Variants in SHISA9 observed in about 807,000 individuals in gnomAD.
SHISA9 encodes protein shisa-9.
Under a neutral mutation model 38.0 loss-of-function variants are expected in SHISA9, and 13 were observed. The ratio of observed to expected loss-of-function variants is 0.34; its 90% CI spans 0.22 to 0.54. The LOEUF (loss-of-function observed/expected upper bound fraction) is 0.54. Among genes scored for constraint, SHISA9 ranks in the 20% least tolerant of loss-of-function variants. SHISA9 has a pLI of 0.91. For synonymous variants in SHISA9, 275 were observed against 242.0 expected (o/e 1.14, Z -1.27); for missense variants, 538 against 575.8 (o/e 0.93, Z 0.67).
the SHISA9 span, among the ~76,000 whole-genome samples, chr16:13,283,343 A>T: frequency 6.6e-6 from 1 of 152,128 alleles, no homozygotes; most frequent in Non-Finnish European, 1.5e-5. Context: ...CCAAAGCGGT[A>T]GGTCTTACTC....
intron 2 of SHISA9, among the ~76,000 whole-genome samples, chr16:13,188,632 A>G (rs57861850): frequency 0.15 from 22,515 of 149,352 alleles, 1,949 homozygotes; most frequent in Middle Eastern, 0.24. Flanking sequence ...TGGGAGGATC[A>G]CTTGAGCCTA....
the SHISA9 span, among the ~76,000 whole-genome samples, chr16:13,382,398 C>A: frequency 6.6e-6 from 1 of 151,792 alleles, no homozygotes; most frequent in Non-Finnish European, 1.5e-5. Flanking sequence ...TGTGGTGACG[C>A]ATGCCTGTAA....
At chr16:13,504,690 G>C in the SHISA9 span, among the ~76,000 whole-genome samples, 1 of 152,158 alleles carries the variant, frequency 6.6e-6, no homozygotes, top group South Asian at 2.1e-4. Flanking sequence ...CTAGCCCTCA[G>C]AGGATTTCAA....
chr16:13,029,328 G>A (rs992382052), intron 2 of SHISA9, among the ~76,000 whole-genome samples: 2 of 151,788 alleles, frequency 1.3e-5, no homozygotes, highest in Admixed American at 1.3e-4. Context: ...GATCTTGGCT[G>A]AACACGGTGG....
intron 2 of SHISA9, among the ~76,000 whole-genome samples, chr16:12,958,669 A>G (rs888152726): frequency 2.0e-5 from 3 of 152,186 alleles, no homozygotes; most frequent in African/African-American, 7.2e-5. Flanking sequence ...CAGTTTTCAA[A>G]GCCCTTTTCA....
chr16:13,367,712 GCACACA>G, the SHISA9 span, among the ~76,000 whole-genome samples: 300 of 104,688 alleles, frequency 2.9e-3, 2 homozygotes, highest in Middle Eastern at 0.01. Context: ...GCGCGCGCGC[GCACACA>G]CACACACACA....
the SHISA9 span, among the ~76,000 whole-genome samples, chr16:13,278,887 T>C: frequency 6.6e-6 from 1 of 152,062 alleles, no homozygotes; most frequent in African/African-American, 2.4e-5. Flanking sequence ...CATTTATCTT[T>C]TGTATTTTTT....
chr16:13,544,960 C>T, the SHISA9 span, among the ~76,000 whole-genome samples: 1 of 152,072 alleles, frequency 6.6e-6, no homozygotes, highest in Non-Finnish European at 1.5e-5. Context: ...CAATAGAAGA[C>T]TGATAGTGTC....
At chr16:13,217,256 T>C (rs1303727780) in intron 4 of SHISA9, among the ~76,000 whole-genome samples, 2 of 152,110 alleles carry the variant, frequency 1.3e-5, no homozygotes, top group South Asian at 2.1e-4. Context: ...CCAGCCTGGG[T>C]GACAGAGTGA....
intron 2 of SHISA9, among the ~76,000 whole-genome samples, chr16:13,154,205 G>A (rs556860354): frequency 6.6e-6 from 1 of 152,322 alleles, no homozygotes; most frequent in East Asian, 1.9e-4. Context: ...GGAGACTGGG[G>A]AAATTTAAGT....
chr16:13,362,764 C>T, the SHISA9 span, among the ~76,000 whole-genome samples: 2 of 152,188 alleles, frequency 1.3e-5, no homozygotes, highest in East Asian at 1.9e-4. Context: ...TTTCTTCTCT[C>T]CCAACTCCTG....
At chr16:13,054,360 A>G (rs144540438) in intron 2 of SHISA9, among the ~76,000 whole-genome samples, 22 of 152,336 alleles carry the variant, frequency 1.4e-4, no homozygotes, top group Admixed American at 4.6e-4. Flanking sequence ...GGCCTCAGTG[A>G]CTGTTACCCT....
chr16:13,280,113 T>C, the SHISA9 span, among the ~76,000 whole-genome samples: 15 of 127,092 alleles, frequency 1.2e-4, no homozygotes, highest in African/African-American at 4.0e-4. Flanking sequence ...TTCTCTCTCT[T>C]TCTCTTTTTT....
the SHISA9 span, among the ~76,000 whole-genome samples, chr16:13,532,924 C>G: frequency 4.6e-5 from 7 of 152,154 alleles, no homozygotes; most frequent in African/African-American, 7.2e-5. Context: ...CCCCTCGCTT[C>G]TCAGGTCTTT....
intron 2 of SHISA9, among the ~76,000 whole-genome samples, chr16:13,158,595 A>G (rs1567230976): frequency 6.6e-6 from 1 of 152,190 alleles, no homozygotes; most frequent in Non-Finnish European, 1.5e-5. Context: ...TCAAAGACAC[A>G]TCTGATTGGC....
chr16:13,303,774 G>T, the SHISA9 span, among the ~76,000 whole-genome samples: 20 of 152,252 alleles, frequency 1.3e-4, no homozygotes, highest in East Asian at 3.9e-3. Context: ...TTTAAAAAAG[G>T]AATGGGAATA....
chr16:13,436,557 T>G, the SHISA9 span, among the ~76,000 whole-genome samples: 4 of 152,258 alleles, frequency 2.6e-5, no homozygotes, highest in Non-Finnish European at 5.9e-5. Context: ...TCTCAGGGGC[T>G]GCTCTGCCTA....
At chr16:12,967,711 G>A (rs1408956751) in intron 2 of SHISA9, among the ~76,000 whole-genome samples, 1 of 151,860 alleles carries the variant, frequency 6.6e-6, no homozygotes, top group Non-Finnish European at 1.5e-5. Context: ...ATGCCTATGA[G>A]CTCCAAAGCA....
the SHISA9 span, among the ~76,000 whole-genome samples, chr16:13,426,314 C>T: frequency 5.0e-3 from 754 of 152,226 alleles, 6 homozygotes; most frequent in Non-Finnish European, 5.8e-3. Context: ...CAGAAAACTG[C>T]AGTGTCAAGA....
Sources: gnomAD v4.1 joint callset for allele counts (sites outside exome capture counted in the v4.1 genomes callset) on GRCh38, gnomAD v4.1.1 for gene constraint, MANE v1.5 for transcripts, NCBI Gene and HGNC (gene_info 2026-07-23, HGNC 2026-07-21) for gene names.